Variants in PTPRT observed in about 807,000 individuals in gnomAD.
PTPRT encodes the protein receptor-type tyrosine-protein phosphatase T.
PTPRT carries 56 observed loss-of-function variants against 176.8 expected under a neutral mutation model. The observed-to-expected ratio is 0.32, with a 90% CI of 0.26 to 0.40. The LOEUF is 0.40. PTPRT is among the 10% of genes least tolerant of loss of function. The probability of loss-of-function intolerance (pLI) is 1.00; values close to 1 mark genes in which losing one functional copy is unlikely to be tolerated. For synonymous variants in PTPRT, 783 were observed against 739.0 expected (o/e 1.06, Z -0.96); for missense variants, 1,540 against 1,908.2 (o/e 0.81, Z 3.60).
chr20:42,096,685 G>A (rs913481072), intron 27 of PTPRT, among the ~76,000 whole-genome samples: 1 of 151,876 alleles, frequency 6.6e-6, no homozygotes, highest in Non-Finnish European at 1.5e-5. Flanking sequence ...CAGTGCTCAA[G>A]CAATCCTCCC....
At chr20:43,157,131 C>T (rs972930612) in intron 1 of PTPRT, among the ~76,000 whole-genome samples, 5 of 151,832 alleles carry the variant, frequency 3.3e-5, no homozygotes, top group Admixed American at 6.6e-5. Flanking sequence ...GCGGGAGGAT[C>T]GCTTGAGCCC....
intron 2 of PTPRT, among the ~76,000 whole-genome samples, chr20:42,885,550 G>C (rs1477140537): frequency 6.6e-6 from 1 of 152,154 alleles, no homozygotes; most frequent in East Asian, 1.9e-4. Flanking sequence ...AAAACCCAGT[G>C]ATACCTACTT....
chr20:43,119,341 A>C (rs1346639338), intron 1 of PTPRT, among the ~76,000 whole-genome samples: 2 of 152,200 alleles, frequency 1.3e-5, no homozygotes, highest in Non-Finnish European at 2.9e-5. Flanking sequence ...TATACATAAA[A>C]TTCTATAATC....
At chr20:42,736,678 T>C (rs774517488) in intron 6 of PTPRT, among the ~76,000 whole-genome samples, 1 of 151,486 alleles carries the variant, frequency 6.6e-6, no homozygotes, top group Non-Finnish European at 1.5e-5. Flanking sequence ...CTGAGAACTA[T>C]GGCTGGAGAG....
At chr20:42,463,611 C>T (rs989060862) in intron 8 of PTPRT, among the ~76,000 whole-genome samples, 2 of 152,140 alleles carry the variant, frequency 1.3e-5, no homozygotes, top group African/African-American at 4.8e-5. Context: ...CCTCCCCTCC[C>T]CTCCTCTCCT....
intron 11 of PTPRT, among the ~76,000 whole-genome samples, chr20:42,337,169 G>A (rs1042471680): frequency 1.3e-5 from 2 of 152,046 alleles, no homozygotes; most frequent in African/African-American, 4.8e-5. Flanking sequence ...CCCTTCCCTG[G>A]CTCTACAGTT....
chr20:42,846,937 T>C (rs1223021549), intron 2 of PTPRT, among the ~76,000 whole-genome samples: 2 of 152,240 alleles, frequency 1.3e-5, no homozygotes, highest in African/African-American at 4.8e-5. Flanking sequence ...ACTCTGTCTC[T>C]ACTCCTTACA....
At chr20:42,832,686 C>T (rs1213499515) in intron 2 of PTPRT, among the ~76,000 whole-genome samples, 1 of 138,160 alleles carries the variant, frequency 7.2e-6, no homozygotes, top group Non-Finnish European at 1.5e-5. Flanking sequence ...AGGATATTGT[C>T]CAGAATACAG....
intron 7 of PTPRT, among the ~76,000 whole-genome samples, chr20:42,497,901 G>A (rs1411993536): frequency 1.3e-5 from 2 of 152,066 alleles, no homozygotes; most frequent in African/African-American, 2.4e-5. Flanking sequence ...ATTTACAATG[G>A]TCCTTGTGCT....
chr20:42,204,015 G>A (rs982454716), intron 15 of PTPRT, among the ~76,000 whole-genome samples: 2 of 152,092 alleles, frequency 1.3e-5, no homozygotes, highest in South Asian at 2.1e-4. Context: ...CTTGTTGCAC[G>A]AATTTATACT....
intron 13 of PTPRT, among the ~76,000 whole-genome samples, chr20:42,270,983 C>T (rs1234497032): frequency 6.6e-6 from 1 of 152,160 alleles, no homozygotes; most frequent in Non-Finnish European, 1.5e-5. Context: ...TCAAGCCAAC[C>T]TTGTGTTTCA....
intron 15 of PTPRT, among the ~76,000 whole-genome samples, chr20:42,221,268 T>G (rs6093596): frequency 0.02 from 2,971 of 152,294 alleles, 95 homozygotes; most frequent in African/African-American, 0.067. Flanking sequence ...CCTCCCAAAG[T>G]GCTGGGATTA....
At chr20:42,212,063 C>T (rs868195845) in intron 15 of PTPRT, among the ~76,000 whole-genome samples, 1,827 of 136,800 alleles carry the variant, frequency 0.013, 35 homozygotes, top group African/African-American at 0.047. Flanking sequence ...AACCAAACAC[C>T]GCATATTCTC....
intron 18 of PTPRT, among the ~76,000 whole-genome samples, chr20:42,136,341 C>G (rs997870044): frequency 1.3e-4 from 18 of 143,430 alleles, no homozygotes; most frequent in Non-Finnish European, 2.4e-4. Context: ...TTAATGCCAT[C>G]ATCTTGCAAA....
chr20:42,095,935 C>T (rs541618067), intron 27 of PTPRT, among the ~76,000 whole-genome samples: 4 of 152,316 alleles, frequency 2.6e-5, no homozygotes, highest in East Asian at 1.9e-4. Flanking sequence ...ATCTGCTCTT[C>T]TCGCTGCCTT....
At chr20:42,801,324 C>G (rs537447427) in intron 2 of PTPRT, among the ~76,000 whole-genome samples, 1 of 152,186 alleles carries the variant, frequency 6.6e-6, no homozygotes, top group East Asian at 1.9e-4. Context: ...CCACAGCACC[C>G]GCCCCTCAAA....
At chr20:43,067,108 G>A (rs892348070) in intron 1 of PTPRT, among the ~76,000 whole-genome samples, 2 of 152,214 alleles carry the variant, frequency 1.3e-5, no homozygotes, top group Non-Finnish European at 2.9e-5. Flanking sequence ...ATGGGTGAAT[G>A]AATTGTGGCA....
intron 11 of PTPRT, among the ~76,000 whole-genome samples, chr20:42,346,405 G>A (rs1484189920): frequency 6.6e-6 from 1 of 152,170 alleles, no homozygotes; most frequent in East Asian, 1.9e-4. Context: ...AGAAGGCTCG[G>A]CATGTTCAAG....
At chr20:42,542,512 T>C (rs1344987107) in intron 7 of PTPRT, among the ~76,000 whole-genome samples, 1 of 152,278 alleles carries the variant, frequency 6.6e-6, no homozygotes, top group Non-Finnish European at 1.5e-5. Flanking sequence ...AAGTTAAAAA[T>C]GTATACTTTG....
Sources: allele counts gnomAD v4.1 joint callset (sites outside exome capture counted in the v4.1 genomes callset), GRCh38; gene constraint gnomAD v4.1.1; transcripts MANE v1.5; gene names NCBI Gene and HGNC (gene_info 2026-07-23, HGNC 2026-07-21).